Variants in PTPRN2 observed in about 807,000 individuals in gnomAD.
The protein encoded by PTPRN2 is receptor-type tyrosine-protein phosphatase N2.
PTPRN2 carries 74 observed loss-of-function variants against 118.8 expected under a neutral mutation model. That is an observed-to-expected ratio of 0.62 (90% confidence interval 0.52 to 0.76). PTPRN2 has a LOEUF of 0.76. PTPRN2 is among the 30% of genes least tolerant of loss of function. The pLI, the probability that PTPRN2 is intolerant of heterozygous loss-of-function variation, is 0.00. For missense variants in PTPRN2, 1,481 were observed against 1,394.4 expected (o/e 1.06, Z -0.99); for synonymous variants, 641 against 608.0 (o/e 1.05, Z -0.80).
intron 1 of PTPRN2, among the ~76,000 whole-genome samples, chr7:158,587,246 TC>T (rs1264355455): frequency 3.4e-5 from 2 of 58,122 alleles, no homozygotes; most frequent in African/African-American, 6.9e-5. Context: ...GAGGCGCCCC[TC>T]CCCCCACGCC....
chr7:157,926,202 C>T (rs946513189), intron 11 of PTPRN2, among the ~76,000 whole-genome samples: 2 of 151,062 alleles, frequency 1.3e-5, no homozygotes, highest in Non-Finnish European at 3.0e-5. Context: ...GCTGAGGGTC[C>T]ATGCATTACC....
intron 11 of PTPRN2, among the ~76,000 whole-genome samples, chr7:157,901,098 G>A (rs1038103559): frequency 6.6e-6 from 1 of 152,222 alleles, no homozygotes; most frequent in African/African-American, 2.4e-5. Context: ...AGCTCACATG[G>A]GGAGAGAGGA....
chr7:158,502,835 G>A (rs1293594856), intron 1 of PTPRN2, among the ~76,000 whole-genome samples: 1 of 151,782 alleles, frequency 6.6e-6, no homozygotes. Flanking sequence ...CAACTACTGT[G>A]TCCATCAGCC....
chr7:157,981,449 A>G (rs1311027894), intron 11 of PTPRN2, among the ~76,000 whole-genome samples: 1 of 152,114 alleles, frequency 6.6e-6, no homozygotes, highest in African/African-American at 2.4e-5. Flanking sequence ...TAAACCAATC[A>G]ATATATTCAA....
At chr7:158,121,936 A>G (rs576418889) in intron 9 of PTPRN2, among the ~76,000 whole-genome samples, 1 of 152,332 alleles carries the variant, frequency 6.6e-6, no homozygotes, top group African/African-American at 2.4e-5. Context: ...TGTGCTCACA[A>G]TGATCACGCA....
At chr7:158,023,189 G>T (rs979256022) in intron 11 of PTPRN2, among the ~76,000 whole-genome samples, 6 of 152,146 alleles carry the variant, frequency 3.9e-5, no homozygotes, top group Non-Finnish European at 8.8e-5. Flanking sequence ...TGTCGACAAG[G>T]AGTAGCCAGA....
At chr7:158,303,510 T>C (rs1398634940) in intron 3 of PTPRN2, among the ~76,000 whole-genome samples, 1 of 152,236 alleles carries the variant, frequency 6.6e-6, no homozygotes, top group Non-Finnish European at 1.5e-5. Context: ...CAAAATGCAT[T>C]ATACTAATTT....
intron 3 of PTPRN2, among the ~76,000 whole-genome samples, chr7:158,244,349 G>A (rs1243543499): frequency 6.6e-6 from 1 of 152,246 alleles, no homozygotes; most frequent in Non-Finnish European, 1.5e-5. Flanking sequence ...TGAAGAAAAA[G>A]GCTGAACAAG....
chr7:157,942,792 T>G (rs79377769), intron 11 of PTPRN2, among the ~76,000 whole-genome samples: 18,297 of 152,166 alleles, frequency 0.12, 1,175 homozygotes, highest in Middle Eastern at 0.18. Flanking sequence ...CTGCCATCTC[T>G]GATGACAGGC....
At chr7:158,395,775 AGGCGCGAGGGGCGAGG>A (rs1812423319) in intron 2 of PTPRN2, among the ~76,000 whole-genome samples, 2 of 54,702 alleles carry the variant, frequency 3.7e-5, no homozygotes, top group African/African-American at 1.4e-4. Context: ...GCGAGGGGTG[AGGCGCGAGGGGCGAGG>A]GGTGAGGCGC....
intron 11 of PTPRN2, among the ~76,000 whole-genome samples, chr7:158,037,984 C>T (rs11760246): frequency 0.31 from 47,645 of 152,054 alleles, 7,960 homozygotes; most frequent in Non-Finnish European, 0.38. Flanking sequence ...CGCTAACCTC[C>T]CGCTTTGGGT....
At chr7:158,445,741 GC>G (rs1817680254) in intron 2 of PTPRN2, among the ~76,000 whole-genome samples, 1 of 152,212 alleles carries the variant, frequency 6.6e-6, no homozygotes, top group Non-Finnish European at 1.5e-5. Flanking sequence ...CTGAGAGGGC[GC>G]TCTGCCCCAA....
chr7:157,648,476 C>G (rs868829344), intron 14 of PTPRN2, among the ~76,000 whole-genome samples: 2 of 50,236 alleles, frequency 4.0e-5, no homozygotes, highest in African/African-American at 6.0e-5. Context: ...ACCCATCCAG[C>G]GTGCACTGAA....
chr7:157,743,199 AG>A (rs1385410741), intron 12 of PTPRN2, among the ~76,000 whole-genome samples: 1 of 152,236 alleles, frequency 6.6e-6, no homozygotes, highest in Non-Finnish European at 1.5e-5. Context: ...GGGTGAGGGC[AG>A]GGGAGGCAGC....
At chr7:158,080,333 AAAAAAAAAC>A (rs1324973213) in intron 11 of PTPRN2, among the ~76,000 whole-genome samples, 8 of 150,770 alleles carry the variant, frequency 5.3e-5, no homozygotes, top group African/African-American at 1.9e-4. Context: ...AAAAAAAAAA[AAAAAAAAAC>A]AAGTTCATAG....
At chr7:157,723,432 G>A (rs1216476019) in intron 12 of PTPRN2, among the ~76,000 whole-genome samples, 1 of 152,132 alleles carries the variant, frequency 6.6e-6, no homozygotes, top group Non-Finnish European at 1.5e-5. Flanking sequence ...TTCTACTCCA[G>A]TCCCAAACCA....
At chr7:157,879,375 G>C (rs1238259074) in intron 12 of PTPRN2, among the ~76,000 whole-genome samples, 1 of 152,196 alleles carries the variant, frequency 6.6e-6, no homozygotes, top group African/African-American at 2.4e-5. Flanking sequence ...GCATGCACGT[G>C]CATGTGCACA....
rs961568403 is a variant in PTPRN2, at chr7:158,146,903, G to C, written c.911-8388C>G. On this transcript the variant is annotated intron_variant, in intron 6 of 22. Transcript: ENST00000389418. Reference sequence around the variant, plus strand: ...AGGGAAAATACACCATTAAGATCCTGTGAAGAGACTGAATGACACCCCATC... The same window carrying C: ...AGGGAAAATACACCATTAAGATCCTCTGAAGAGACTGAATGACACCCCATC... Among the ~76,000 whole-genome samples the C allele has an allele frequency of 3.3e-5, 5 of 151,686 alleles. 1 individual carries two copies. Among genetic ancestry groups the C allele is most frequent in the African/African-American group, 1.2e-4 (5 of 41,208 alleles).
intron 2 of PTPRN2, among the ~76,000 whole-genome samples, chr7:158,411,065 TCTC>T (rs1433265964): frequency 6.6e-6 from 1 of 151,808 alleles, no homozygotes; most frequent in Non-Finnish European, 1.5e-5. Context: ...CCCGGGGCCC[TCTC>T]CTCCCTGGCA....
Sources: allele counts gnomAD v4.1 joint callset (sites outside exome capture counted in the v4.1 genomes callset), GRCh38; gene constraint gnomAD v4.1.1; transcripts MANE v1.5; gene names NCBI Gene and HGNC (gene_info 2026-07-23, HGNC 2026-07-21).